Variants in VPS13B observed in about 807,000 individuals in gnomAD.
VPS13B encodes the protein intermembrane lipid transfer protein VPS13B.
In VPS13B, 285 loss-of-function variants were observed where a neutral mutation model predicts 426.4. The observed-to-expected ratio is 0.67, with a 90% CI of 0.61 to 0.74. The LOEUF (loss-of-function observed/expected upper bound fraction) is 0.74. VPS13B is among the 30% of genes least tolerant of loss of function. VPS13B has a pLI of 0.00. For synonymous variants in VPS13B, 1,676 were observed against 1,676.4 expected, an observed-to-expected ratio of 1.00 and a Z score of 0.01; for missense variants, 4,537 against 4,782.6, an observed-to-expected ratio of 0.95 and a Z score of 1.51.
chr8:99,476,567 A>G (rs965987121), intron 24 of VPS13B, among the ~76,000 whole-genome samples: 1 of 152,184 alleles, frequency 6.6e-6, no homozygotes, highest in Non-Finnish European at 1.5e-5. Context: ...AATATTGAAT[A>G]TATCACAAGA....
rs774565889 is a variant in VPS13B, at chr8:99,817,546, A to G, written c.8104A>G (p.Ile2702Val). 1 of 1,614,032 alleles carries G rather than the reference A, an allele frequency of 6.2e-7. No individual in the cohort carries two copies. The highest frequency in any genetic ancestry group is 1.1e-5 in the South Asian group (1 of 91,068). ...ATACTTAACTGTCTTTTAGATTATC[A>G]TCTGTGGAAGACAGATCATCTGTAG... ...QLNGVQKQII[I>V]CGRQIICSYL... The change falls in exon 45 of 62, where the codon ATC (isoleucine) becomes GTC (valine). Residue 2702 changes from isoleucine (I) to valine (V), a missense_variant. Coordinates refer to ENST00000357162, the MANE Select transcript of VPS13B (RefSeq NM_152564.5).
At chr8:99,453,930 G>C (rs914317756) in intron 23 of VPS13B, among the ~76,000 whole-genome samples, 15 of 152,066 alleles carry the variant, frequency 9.9e-5, no homozygotes, top group African/African-American at 3.4e-4. Context: ...GCATTCTGTG[G>C]ACTTGGAGAA....
chr8:99,069,517 ATAAG>A (rs1158410001), intron 3 of VPS13B, among the ~76,000 whole-genome samples: 4 of 152,228 alleles, frequency 2.6e-5, no homozygotes, highest in African/African-American at 7.2e-5. Context: ...TAGTTATCTA[ATAAG>A]TTATTAGGGT....
intron 13 of VPS13B, among the ~76,000 whole-genome samples, chr8:99,146,148 A>T (rs989023585): frequency 2.0e-5 from 3 of 152,154 alleles, no homozygotes; most frequent in Admixed American, 6.5e-5. Context: ...GCTCAGATTA[A>T]TTGGGTTAAT....
intron 21 of VPS13B, among the ~76,000 whole-genome samples, chr8:99,421,293 A>C (rs1012927193): frequency 3.3e-5 from 5 of 152,228 alleles, no homozygotes; most frequent in African/African-American, 1.2e-4. Context: ...TAGAAAACTA[A>C]AAGTGTAATA....
At chr8:99,350,545 G>T (rs1811825025) in intron 19 of VPS13B, among the ~76,000 whole-genome samples, 1 of 152,136 alleles carries the variant, frequency 6.6e-6, no homozygotes. Flanking sequence ...AAATTTTCAG[G>T]ATTTAGTGAT....
intron 37 of VPS13B, among the ~76,000 whole-genome samples, chr8:99,719,913 A>G (rs1020262724): frequency 6.6e-5 from 10 of 152,192 alleles, no homozygotes; most frequent in African/African-American, 2.4e-4. Context: ...AAGAAACCCT[A>G]TAATAAGGAT....
At chr8:99,192,685 T>C (rs1047642988) in intron 16 of VPS13B, among the ~76,000 whole-genome samples, 191 bp from the exon 17 acceptor site, 3 of 152,218 alleles carry the variant, frequency 2.0e-5, no homozygotes, top group Admixed American at 6.5e-5. Flanking sequence ...TGTATTTTTA[T>C]ATTATTCAGA....
At chr8:99,674,212 G>A (rs1259420200) in intron 35 of VPS13B, among the ~76,000 whole-genome samples, 3 of 151,902 alleles carry the variant, frequency 2.0e-5, no homozygotes, top group African/African-American at 4.8e-5. Flanking sequence ...TTATTAAATT[G>A]CAGTCTATCT....
intron 45 of VPS13B, 41 bp downstream of exon 45, chr8:99,817,844 A>G: frequency 6.2e-7 from 1 of 1,613,836 alleles, no homozygotes; most frequent in Non-Finnish European, 8.5e-7. Context: ...CAGCTTTACC[A>G]TTGAAATTTT....
intron 33 of VPS13B, among the ~76,000 whole-genome samples, chr8:99,596,050 A>G (rs934898586): frequency 1.3e-5 from 2 of 151,940 alleles, no homozygotes; most frequent in African/African-American, 4.8e-5. Flanking sequence ...ACCCTCTTAC[A>G]CTGGACCAGA....
chr8:99,538,359 T>G (rs965206518), intron 30 of VPS13B, among the ~76,000 whole-genome samples: 11 of 152,220 alleles, frequency 7.2e-5, no homozygotes, highest in African/African-American at 2.7e-4. Flanking sequence ...AGGTTCTTTA[T>G]TCTTTCATCT....
intron 6 of VPS13B, among the ~76,000 whole-genome samples, chr8:99,112,702 C>T (rs2132486614): frequency 6.6e-6 from 1 of 152,144 alleles, no homozygotes; most frequent in South Asian, 2.1e-4. Flanking sequence ...ATTGAAGATA[C>T]ATTGAAAGCA....
Position 99,440,111 on chromosome 8 carries a change from T to C in VPS13B, c.3211-2290T>C, listed in dbSNP as rs1004530282. ...GTAATAATCCCTTCACTTTAACACA[T>C]GAATGTGTTCAGTATTGGCAAAAGA... On this transcript the variant is annotated intron_variant, in intron 22 of 61. Coordinates refer to ENST00000357162, the MANE Select transcript of VPS13B (RefSeq NM_152564.5). Among the ~76,000 whole-genome samples, 5 of 152,262 alleles carry C rather than the reference T, an allele frequency of 3.3e-5. No homozygotes were observed. In the East Asian group the frequency reaches 9.6e-4, roughly 29 times the overall value.
intron 59 of VPS13B, 117 bp downstream of exon 59, chr8:99,868,582 A>G (rs1232648388): frequency 4.1e-6 from 5 of 1,220,046 alleles, no homozygotes; most frequent in Non-Finnish European, 5.9e-6. Context: ...TATCTTTCTT[A>G]CCTCTCTATG....
At chr8:99,846,758 C>A (rs1399820584) in intron 54 of VPS13B, among the ~76,000 whole-genome samples, 1 of 152,192 alleles carries the variant, frequency 6.6e-6, no homozygotes, top group Non-Finnish European at 1.5e-5. Flanking sequence ...TTAACAGAAA[C>A]CATCACCTTA....
At chr8:99,406,550 G>C (rs1009179153) in intron 21 of VPS13B, among the ~76,000 whole-genome samples, 7 of 152,072 alleles carry the variant, frequency 4.6e-5, no homozygotes, top group Non-Finnish European at 7.4e-5. Flanking sequence ...ATTTCACTTC[G>C]TGTGCATAAT....
intron 19 of VPS13B, among the ~76,000 whole-genome samples, chr8:99,310,336 TA>T (rs1432380833): frequency 1.5e-4 from 23 of 152,336 alleles, no homozygotes; most frequent in Non-Finnish European, 2.8e-4. Flanking sequence ...AAATAGCTGT[TA>T]TTATTTTGAG....
In VPS13B at chr8:99,013,810, C is replaced by T; in HGVS notation, c.22C>T (p.Pro8Ser). The T allele has an allele frequency of 6.2e-7, 1 of 1,614,170 alleles. No homozygotes were observed. The highest frequency in any genetic ancestry group is 2.2e-5 in the East Asian group (1 of 44,876). ...AAAGATGCTGGAGTCATATGTAACTCCAATTTTAATGAGCTATGTGAATCG... is the reference window on the plus strand; with the variant it reads ...AAAGATGCTGGAGTCATATGTAACTTCAATTTTAATGAGCTATGTGAATCG... MLESYVT[P>S]ILMSYVNRYI... Residue 8 changes from proline (P) to serine (S), a missense_variant, in exon 2 of 62, where the codon CCA (proline) becomes TCA (serine). Pro to Ser is a moderately conservative substitution (Grantham distance 74). Transcript: ENST00000357162.
Sources: allele counts gnomAD v4.1 joint callset (sites outside exome capture counted in the v4.1 genomes callset), GRCh38; gene constraint gnomAD v4.1.1; transcripts MANE v1.5; gene names NCBI Gene and HGNC (gene_info 2026-07-23, HGNC 2026-07-21).